ADAM12: variants seen among roughly 807,000 people sequenced by gnomAD.
ADAM12 encodes ADAM metallopeptidase domain 12.
In ADAM12, 70 loss-of-function variants were observed where a neutral mutation model predicts 106.4. That is an observed-to-expected ratio of 0.66 (90% CI 0.54 to 0.80). The LOEUF (loss-of-function observed/expected upper bound fraction) is 0.80, where lower values mean the gene tolerates loss of function less well. Ranked by LOEUF, ADAM12 falls within the 30% of genes least tolerant of loss-of-function variation. The pLI, the probability that ADAM12 is intolerant of heterozygous loss-of-function variation, is 0.00. For missense variants in ADAM12, 1,010 were observed against 1,171.9 expected, an observed-to-expected ratio of 0.86 and a Z score of 2.02; for synonymous variants, 420 against 433.5, an observed-to-expected ratio of 0.97 and a Z score of 0.39.
rs745434054 is a variant in ADAM12 at position 126,066,746 on chromosome 10, C to T, written c.1384G>A (p.Ala462Thr). Reference protein sequence around the residue: ...TCTLKPDAVCAHGLCCEDCQL... With the variant: ...TCTLKPDAVCTHGLCCEDCQL... ...CAGTCTTCACAGCACAGCCCATGTG[C>T]GCACACAGCGTCCGGCTTCAGGGTA... is the stretch of plus-strand genomic sequence containing the variant. The change falls in exon 13 of 23, where the codon GCA (alanine) becomes ACA (threonine). Residue 462 changes from alanine to threonine, a missense_variant. Around this residue, in one of 3 missense-constraint regions of ADAM12, gnomAD observed 615 missense variants for 708.5 expected, o/e 0.87. Transcript: ENST00000448723. The surrounding 1 kb of genome is among the most constrained non-coding windows in gnomAD (Gnocchi z 5.1). 25 of 1,614,074 alleles carry T rather than the reference C, an allele frequency of 1.5e-5. No individual in the cohort carries two copies. The Middle Eastern group carries it at 4.9e-4, about 32-fold the overall frequency.
At chr10:126,217,632 G>T (rs1958011487) in intron 3 of ADAM12, among the ~76,000 whole-genome samples, 1 of 149,742 alleles carries the variant, frequency 6.7e-6, no homozygotes, top group South Asian at 2.2e-4. Flanking sequence ...CTCCCAAAGT[G>T]CTGGGATTAC....
chr10:126,299,909 G>T (rs1460895786), intron 2 of ADAM12, among the ~76,000 whole-genome samples: 2 of 152,164 alleles, frequency 1.3e-5, no homozygotes, highest in Non-Finnish European at 2.9e-5. Context: ...CTCCCAAAGT[G>T]CTGGGATTAC....
At chr10:126,117,657 A>G (rs1341112732) in intron 6 of ADAM12, among the ~76,000 whole-genome samples, 1 of 147,576 alleles carries the variant, frequency 6.8e-6, no homozygotes, top group African/African-American at 2.5e-5. Flanking sequence ...TCAGGGTCCA[A>G]TCTTGTCTTG....
intron 3 of ADAM12, among the ~76,000 whole-genome samples, chr10:126,174,946 C>T (rs183658256): frequency 9.5e-4 from 144 of 152,082 alleles, no homozygotes; most frequent in Non-Finnish European, 1.7e-3. Flanking sequence ...TTAGTAGGGA[C>T]GGGGTTTCAC....
chr10:126,201,198 A>T (rs1380960604), intron 3 of ADAM12, among the ~76,000 whole-genome samples: 1 of 152,196 alleles, frequency 6.6e-6, no homozygotes, highest in African/African-American at 2.4e-5. Flanking sequence ...TTTAACTCCT[A>T]CTTCCCGGCA....
chr10:126,291,688 A>G (rs1297505848), intron 2 of ADAM12, among the ~76,000 whole-genome samples: 1 of 152,118 alleles, frequency 6.6e-6, no homozygotes, highest in Non-Finnish European at 1.5e-5. Flanking sequence ...CTGGAGGAGA[A>G]GCTCCACTGG....
intron 1 of ADAM12, among the ~76,000 whole-genome samples, chr10:126,350,112 AT>A (rs1325895980): frequency 6.6e-6 from 1 of 152,146 alleles, no homozygotes; most frequent in Non-Finnish European, 1.5e-5. Flanking sequence ...AAATATTTCA[AT>A]GCTCTCCCTG....
chr10:126,376,682 T>C (rs10159991), intron 1 of ADAM12, among the ~76,000 whole-genome samples: 30,864 of 152,034 alleles, frequency 0.2, 3,723 homozygotes, highest in East Asian at 0.42. Context: ...CTTGATGTCA[T>C]GAGGATGTCA....
At chr10:126,288,166 C>T (rs916515856) in intron 2 of ADAM12, among the ~76,000 whole-genome samples, 24 of 152,138 alleles carry the variant, frequency 1.6e-4, no homozygotes, top group African/African-American at 5.3e-4. Flanking sequence ...AGGAGGCCAA[C>T]GTCCTCTGTG....
chr10:126,117,952 A>C, intron 6 of ADAM12, 86 bp downstream of exon 6: 1 of 1,469,270 alleles, frequency 6.8e-7, no homozygotes, highest in Non-Finnish European at 9.4e-7. Flanking sequence ...TCTAGATGGC[A>C]ACATTTCTCC....
intron 3 of ADAM12, among the ~76,000 whole-genome samples, chr10:126,197,237 C>G (rs1957613744): frequency 6.6e-6 from 1 of 152,210 alleles, no homozygotes. Flanking sequence ...ACTAGGGCCC[C>G]TACAGGGAGT....
At chr10:126,082,635 T>G (rs1156696612) in intron 11 of ADAM12, among the ~76,000 whole-genome samples, 2 of 152,022 alleles carry the variant, frequency 1.3e-5, no homozygotes, top group African/African-American at 4.8e-5. Context: ...CCTCCCAAAG[T>G]GCTGGGATTA....
chr10:126,283,383 C>T (rs4962333), intron 2 of ADAM12, among the ~76,000 whole-genome samples: 1,945 of 152,278 alleles, frequency 0.013, 37 homozygotes, highest in East Asian at 0.12. Context: ...ATGTTTGACT[C>T]TACCAGGGAT....
intron 1 of ADAM12, among the ~76,000 whole-genome samples, chr10:126,341,187 T>A (rs896277584): frequency 1.3e-5 from 2 of 152,200 alleles, no homozygotes; most frequent in Non-Finnish European, 2.9e-5. Context: ...TCATCCTTTA[T>A]CCCGCCTACA....
chr10:126,045,051 C>T (rs1021868489), intron 17 of ADAM12, among the ~76,000 whole-genome samples: 25 of 152,276 alleles, frequency 1.6e-4, no homozygotes, highest in African/African-American at 4.6e-4. Flanking sequence ...CGGGCCTCTC[C>T]GCTCCCATGT....
chr10:126,148,802 G>A (rs1477423261), intron 4 of ADAM12, among the ~76,000 whole-genome samples: 1 of 152,140 alleles, frequency 6.6e-6, no homozygotes, highest in Non-Finnish European at 1.5e-5. Context: ...AGACAGTAGA[G>A]AGGCTTCCTG....
rs185478136 is a variant in ADAM12, at chr10:126,132,270, C to T, written c.416+3314G>A. On this transcript the variant is annotated intron_variant, in intron 5 of 22. Transcript: ENST00000448723. ...TTACAGGCGTGAGCCACCGCGCCCC[C>T]GGGCAGCTTTTCTCTTCTTTACACA... Among the ~76,000 whole-genome samples the T allele has an allele frequency of 2.0e-3, 300 of 152,246 alleles. 1 individual carries two copies. The highest frequency in any genetic ancestry group is 6.7e-3 in the African/African-American group (277 of 41,570).
chr10:126,208,245 A>G (rs1251314381), intron 3 of ADAM12, among the ~76,000 whole-genome samples: 2 of 152,152 alleles, frequency 1.3e-5, no homozygotes, highest in Non-Finnish European at 2.9e-5. Flanking sequence ...GACACTGGCA[A>G]TATCTGCAGA....
intron 3 of ADAM12, among the ~76,000 whole-genome samples, chr10:126,179,210 G>A (rs1957271692): frequency 6.6e-6 from 1 of 152,182 alleles, no homozygotes; most frequent in Non-Finnish European, 1.5e-5. Flanking sequence ...GTTAAGTGAA[G>A]CGGGTTAGCT....
Sources: allele counts gnomAD v4.1 joint callset (sites outside exome capture counted in the v4.1 genomes callset), GRCh38; gene constraint gnomAD v4.1.1; regional missense constraint gnomAD v4.1.1; non-coding constraint Gnocchi (gnomAD v3.1); transcripts MANE v1.5; gene names NCBI Gene and HGNC (gene_info 2026-07-23, HGNC 2026-07-21).